DHRS12: variants seen among roughly 807,000 people sequenced by gnomAD.
DHRS12 encodes dehydrogenase/reductase SDR family member 12.
Under a neutral mutation model 32.1 loss-of-function variants are expected in DHRS12, and 29 were observed. The observed-to-expected ratio is 0.90, with a 90% CI of 0.67 to 1.23. The LOEUF (loss-of-function observed/expected upper bound fraction) is 1.23. Ranked by LOEUF, DHRS12 falls within the 50% of genes most tolerant of loss-of-function variation. The pLI, the probability that DHRS12 is intolerant of heterozygous loss-of-function variation, is 0.00. For synonymous variants in DHRS12, 150 were observed against 135.9 expected (o/e 1.10, Z -0.72); for missense variants, 330 against 337.2 (o/e 0.98, Z 0.17).
intron 1 of DHRS12, among the ~76,000 whole-genome samples, chr13:51,802,606 A>G (rs1162476846): frequency 6.6e-6 from 1 of 152,266 alleles, no homozygotes; most frequent in East Asian, 1.9e-4. Flanking sequence ...AGCAAAGTTT[A>G]GGAAACAGTG....
At chr13:51,776,743 G>A (rs1044533696) in intron 5 of DHRS12, among the ~76,000 whole-genome samples, 3 of 152,184 alleles carry the variant, frequency 2.0e-5, no homozygotes, top group African/African-American at 7.2e-5. Flanking sequence ...TCCCCAGGAA[G>A]AGCAGCACCA....
Position 51,790,087 on chromosome 13 carries a change from A to G in DHRS12, c.225T>C (p.Asn75=), listed in dbSNP as rs772742247. The part of the protein sequence containing the change: ...KQEHKLHVLI[N]NAGCMVNKRE... ...TTTTATTGACCATGCAACCTGCATT[A>G]TTGATCTAAAATTTATAGTTCTCAT... is the stretch of plus-strand genomic sequence containing the variant. The change falls in exon 4 of 9, where the codon AAT becomes AAC. Residue 75 remains asparagine, a synonymous_variant. Coordinates refer to ENST00000444610, the MANE Select transcript of DHRS12 (RefSeq NM_001377533.1). The G allele has an allele frequency of 3.2e-6, 5 of 1,583,568 alleles. No homozygotes were observed. The highest frequency in any genetic ancestry group is 4.3e-6 in the Non-Finnish European group (5 of 1,171,132).
rs1418370503 is a variant in DHRS12 at position 51,773,976 on chromosome 13, G to A, written c.422C>T (p.Ser141Phe). ...VQKLNTNDLQ[S>F]ERTPFDGTMV... is the part of the protein sequence containing the mutation. Reference sequence around the variant, plus strand: ...AGTTCCATCAAATGGTGTTCTTTCGGACTGGAGATCATTGGTGTTCAGTTT... The same window carrying A: ...AGTTCCATCAAATGGTGTTCTTTCGAACTGGAGATCATTGGTGTTCAGTTT... Residue 141 changes from serine (S) to phenylalanine (F), a missense_variant, in exon 6 of 9, where the codon TCC becomes TTC. Coordinates refer to ENST00000444610, the MANE Select transcript of DHRS12 (RefSeq NM_001377533.1). The A allele has an allele frequency of 6.2e-7, 1 of 1,613,912 alleles. No individual in the cohort carries two copies. Among genetic ancestry groups the A allele is most frequent in the African/African-American group, 1.3e-5 (1 of 74,882 alleles).
At chr13:51,787,811 T>C (rs985656110) in intron 4 of DHRS12, among the ~76,000 whole-genome samples, 5 of 124,344 alleles carry the variant, frequency 4.0e-5, no homozygotes, top group African/African-American at 1.5e-4. Flanking sequence ...TATTTATATA[T>C]AATTTATATA....
At chr13:51,789,421 T>C in intron 4 of DHRS12, 5 of 495,346 alleles carry the variant, frequency 1.0e-5, no homozygotes, top group Non-Finnish European at 1.3e-5. Context: ...TGGATTTAAC[T>C]CTTGGCCTCA....
At chr13:51,759,405 G>T in the DHRS12 span, among the ~76,000 whole-genome samples, 1 of 152,196 alleles carries the variant, frequency 6.6e-6, no homozygotes, top group East Asian at 1.9e-4. Context: ...TGCTGCCTCA[G>T]ATGTAAACAC....
At chr13:51,762,194 G>C in the DHRS12 span, 4 of 152,234 alleles carry the variant, frequency 2.6e-5, no homozygotes, top group East Asian at 7.7e-4. Context: ...ACAGTATTAG[G>C]GCAGCAAAGG....
At chr13:51,760,796 C>T in the DHRS12 span, 1 of 152,312 alleles carries the variant, frequency 6.6e-6, no homozygotes, top group African/African-American at 2.4e-5. Flanking sequence ...AGAGTTTCTG[C>T]TCCTGTGAGA....
chr13:51,769,103 G>C, intron 8 of DHRS12, 53 bp downstream of exon 8: 1 of 1,547,446 alleles, frequency 6.5e-7, no homozygotes, highest in Non-Finnish European at 8.7e-7. Flanking sequence ...CGAAGGCCCA[G>C]CTGCTGCCCC....
chr13:51,759,848 A>T, the DHRS12 span: 3 of 1,455,222 alleles, frequency 2.1e-6, no homozygotes, highest in Non-Finnish European at 2.9e-6. Context: ...AGAGTGGTAA[A>T]GCAGACATGT....
At chr13:51,776,725 C>A (rs1309785137) in intron 5 of DHRS12, among the ~76,000 whole-genome samples, 1 of 152,214 alleles carries the variant, frequency 6.6e-6, no homozygotes, top group African/African-American at 2.4e-5. Context: ...CCCCTCTGAG[C>A]AGGACAGTCC....
chr13:51,780,339 C>A (rs1395164050), intron 4 of DHRS12, among the ~76,000 whole-genome samples: 1 of 151,986 alleles, frequency 6.6e-6, no homozygotes, highest in African/African-American at 2.4e-5. Flanking sequence ...ATATCAGGGA[C>A]ATTTGGGTGA....
intron 4 of DHRS12, among the ~76,000 whole-genome samples, chr13:51,780,235 G>C (rs1055251220): frequency 6.6e-6 from 1 of 151,846 alleles, no homozygotes; most frequent in Non-Finnish European, 1.5e-5. Flanking sequence ...ACACAGGAGG[G>C]GCATTGTTAT....
At chr13:51,795,726 G>A (rs553190492) in intron 2 of DHRS12, among the ~76,000 whole-genome samples, 13 of 152,294 alleles carry the variant, frequency 8.5e-5, no homozygotes, top group African/African-American at 2.9e-4. Context: ...GAGGAGATTC[G>A]CCATCACCAG....
chr13:51,776,950 T>C, intron 5 of DHRS12, 110 bp downstream of exon 5: 1 of 1,206,600 alleles, frequency 8.3e-7, no homozygotes, highest in Non-Finnish European at 1.2e-6. Flanking sequence ...TTGCTGTGGA[T>C]GTGGACAGAA....
chr13:51,804,025 G>T, intron 1 of DHRS12, 29 bp downstream of exon 1: 1 of 1,462,318 alleles, frequency 6.8e-7, no homozygotes, highest in Non-Finnish European at 9.0e-7. Context: ...TGACAGCCCG[G>T]GGCCCCGCGC....
At chr13:51,785,100 T>C (rs1954891951) in intron 4 of DHRS12, among the ~76,000 whole-genome samples, 1 of 152,112 alleles carries the variant, frequency 6.6e-6, no homozygotes, top group Admixed American at 6.6e-5. Context: ...TGGTGGCGTG[T>C]ACCTGTAATC....
rs189139603 is a variant in DHRS12 at position 51,768,877 on chromosome 13, A to G, written c.697+279T>C. On this transcript the variant is annotated intron_variant, in intron 8 of 8. Transcript: ENST00000444610. ...CCTCCTGGGCCTCAGCAAACTGCAGAGAAAATCTTCCATTCCCAAGGTAGG... is the reference window on the plus strand; with the variant it reads ...CCTCCTGGGCCTCAGCAAACTGCAGGGAAAATCTTCCATTCCCAAGGTAGG... The G allele has an allele frequency of 1.1e-4, 151 of 1,371,386 alleles. No individual in the cohort carries two copies. In the African/African-American group the frequency reaches 2.1e-3, roughly 19 times the overall value. The allele number at this position is 1,371,386 out of a possible 1,614,324, so 85.0% of individuals were successfully genotyped here.
At chr13:51,803,973 C>A in intron 1 of DHRS12, 81 bp downstream of exon 1, 1 of 1,243,876 alleles carries the variant, frequency 8.0e-7, no homozygotes, top group Non-Finnish European at 1.0e-6. Context: ...GCCGCGGGCG[C>A]GTCCCCGCCA....
Sources: gnomAD v4.1 joint callset for allele counts (sites outside exome capture counted in the v4.1 genomes callset) on GRCh38, gnomAD v4.1.1 for gene constraint, MANE v1.5 for transcripts, NCBI Gene and HGNC (gene_info 2026-07-23, HGNC 2026-07-21) for gene names.